The following RNASEH2B variants were observed in gnomAD, a reference collection of about 807,000 sequenced individuals.
The protein encoded by RNASEH2B is Aicardi-Goutieres syndrome 2 protein.
RNASEH2B carries 36 observed loss-of-function variants against 45.0 expected under a neutral mutation model. That is an observed-to-expected ratio of 0.80 (90% CI 0.61 to 1.06). The LOEUF (loss-of-function observed/expected upper bound fraction) is 1.06, where lower values mean the gene tolerates loss of function less well. Ranked by LOEUF, RNASEH2B falls within the 50% of genes least tolerant of loss-of-function variation. RNASEH2B has a pLI of 0.00. For missense variants in RNASEH2B, 361 were observed against 360.3 expected, an observed-to-expected ratio of 1.00 and a Z score of -0.02; for synonymous variants, 119 against 125.7, an observed-to-expected ratio of 0.95 and a Z score of 0.35.
chr13:50,970,394 A>G (rs768156129), exon 10 of RNASEH2B: 22 of 345,772 alleles, frequency 6.4e-5, no homozygotes, highest in Non-Finnish European at 1.1e-4. Context: ...CTTCTAATTC[A>G]TAAATATACC....
At chr13:50,942,503 A>T (rs1317099184) in intron 5 of RNASEH2B, 1 of 152,180 alleles carries the variant, frequency 6.6e-6, no homozygotes, top group Non-Finnish European at 1.5e-5. Context: ...AACTTCATAG[A>T]TACCTGCATT....
At chr13:50,939,431 G>A (rs1951807569) in intron 5 of RNASEH2B, among the ~76,000 whole-genome samples, 1 of 152,124 alleles carries the variant, frequency 6.6e-6, no homozygotes, top group Non-Finnish European at 1.5e-5. Context: ...GAGGAGGAAA[G>A]ATCACTTGAG....
At position 50,930,967 on chromosome 13, in the gene RNASEH2B, C is replaced by G. The variant is rs1353758246; in HGVS notation, c.321+208C>G. Reference sequence around the variant, plus strand: ...AGCAGCACCTTACTCTTGATCCAGTCTGACCCTGGCTTGCTTGTGACCTCT... The same window carrying G: ...AGCAGCACCTTACTCTTGATCCAGTGTGACCCTGGCTTGCTTGTGACCTCT... On this transcript the variant is annotated intron_variant, in intron 4 of 10. Transcript: ENST00000336617. 23 of 570,392 alleles carry G rather than the reference C, an allele frequency of 4.0e-5. No homozygotes were observed. The South Asian group carries it at 4.5e-4, about 11-fold the overall frequency. 35.3% of individuals were successfully genotyped at this position (570,392 alleles called of 1,614,324 possible).
Position 50,948,014 on chromosome 13 carries a change from T to C in RNASEH2B, c.644T>C (p.Leu215Pro). ...GATTATATTCGTTATGCCCATGGTCTGATATCTGACTACATCCCTAAAGAA... is the reference window on the plus strand; with the variant it reads ...GATTATATTCGTTATGCCCATGGTCCGATATCTGACTACATCCCTAAAGAA... Reference protein sequence around the residue: ...EEDYIRYAHGLISDYIPKELS... With the variant: ...EEDYIRYAHGPISDYIPKELS... Residue 215 changes from leucine to proline, a missense_variant, in exon 8 of 11, where the codon CTG (leucine) becomes CCG (proline). By Grantham distance (98) the Leu-to-Pro change is moderately conservative. Coordinates refer to ENST00000336617, the MANE Select transcript of RNASEH2B (RefSeq NM_024570.4). The C allele has an allele frequency of 1.2e-6, 2 of 1,611,418 alleles. No individual in the cohort carries two copies. The highest frequency in any genetic ancestry group is 8.5e-7 in the Non-Finnish European group (1 of 1,179,264).
At position 50,929,567 on chromosome 13, in the gene RNASEH2B, C is replaced by A; in HGVS notation, c.229C>A (p.Gln77Lys). The A allele has an allele frequency of 6.3e-7, 1 of 1,591,874 alleles. No individual in the cohort carries two copies. The highest frequency in any genetic ancestry group is 1.1e-5 in the South Asian group (1 of 90,604). Reference protein sequence around the residue: ...KEKHHSWFINQSVQSGGLLHF... With the variant: ...KEKHHSWFINKSVQSGGLLHF... ...AAAACACCATTCTTGGTTTATAAATCAATCAGTTCAATCAGGTAGGTGACT... is the reference window on the plus strand; with the variant it reads ...AAAACACCATTCTTGGTTTATAAATAAATCAGTTCAATCAGGTAGGTGACT... Residue 77 changes from glutamine to lysine, a missense_variant, in exon 3 of 11, where the codon CAA becomes AAA. By Grantham distance (53) the Gln-to-Lys change is moderately conservative. Transcript: ENST00000336617.
At position 50,930,689 on chromosome 13, in the gene RNASEH2B, T is replaced by G. The variant is rs747061909; in HGVS notation, c.251T>G (p.Leu84Arg). The G allele has an allele frequency of 3.1e-6, 5 of 1,611,980 alleles. No homozygotes were observed. The highest frequency in any genetic ancestry group is 1.1e-5 in the South Asian group (1 of 91,068). ...TCCTTTTTGTAATCTGCAGGAGGTC[T>G]TCTCCATTTTGCCACACCTGTGGAT... ...FINQSVQSGG[L>R]LHFATPVDPL... Residue 84 changes from leucine to arginine, a missense_variant, in exon 4 of 11, where the codon CTT becomes CGT. Leu to Arg is a moderately radical substitution (Grantham distance 102). Transcript: ENST00000336617.
chr13:50,958,825 T>C (rs1328052908), downstream of RNASEH2B, among the ~76,000 whole-genome samples: 1 of 152,196 alleles, frequency 6.6e-6, no homozygotes, highest in African/African-American at 2.4e-5. Context: ...AGATTATAAG[T>C]AAATATTTGT....
At chr13:50,936,848 T>A (rs1314710144) in intron 5 of RNASEH2B, 3 of 152,216 alleles carry the variant, frequency 2.0e-5, no homozygotes, top group Non-Finnish European at 2.9e-5. Context: ...CTCTGTGTCA[T>A]CCCTTCCCTC....
At chr13:50,926,489 A>G (rs1951598038) in intron 1 of RNASEH2B, among the ~76,000 whole-genome samples, 2 of 152,176 alleles carry the variant, frequency 1.3e-5, no homozygotes, top group Admixed American at 6.5e-5. Context: ...TAAAATTGTC[A>G]TGGTCTTTAT....
At chr13:50,939,209 T>G (rs1421424537) in intron 5 of RNASEH2B, 2 of 152,104 alleles carry the variant, frequency 1.3e-5, no homozygotes, top group East Asian at 3.9e-4. Context: ...CAAAGAACAT[T>G]AGCCAGGTGT....
chr13:50,960,773 G>C (rs560585257), downstream of RNASEH2B, among the ~76,000 whole-genome samples: 26 of 152,264 alleles, frequency 1.7e-4, no homozygotes, highest in African/African-American at 6.3e-4. Context: ...CTGCTGTTAG[G>C]CTTTAGCGTT....
chr13:50,956,772 A>T, downstream of RNASEH2B: 1 of 1,088,308 alleles, frequency 9.2e-7, no homozygotes, highest in Non-Finnish European at 1.1e-6. Flanking sequence ...GTTAGAGTGT[A>T]TGACTGCTTT....
At chr13:50,916,991 AC>A (rs1194925024) in intron 1 of RNASEH2B, among the ~76,000 whole-genome samples, 3 of 152,016 alleles carry the variant, frequency 2.0e-5, no homozygotes, top group African/African-American at 7.3e-5. Context: ...TTAGTGAAAA[AC>A]TGGTTTCACG....
At position 50,910,129 on chromosome 13, in the gene RNASEH2B, T is replaced by C; in HGVS notation, c.53T>C (p.Phe18Ser). Residue 18 changes from phenylalanine to serine, a missense_variant, in exon 1 of 11, where the codon TTC (phenylalanine) becomes TCC (serine). Transcript: ENST00000336617. Reference sequence around the variant, plus strand: ...GGGGTTGGCGCCCGGCAGCACGTGTTCCTGGTTTCAGGTAAACACGCGCGC... The same window carrying C: ...GGGGTTGGCGCCCGGCAGCACGTGTCCCTGGTTTCAGGTAAACACGCGCGC... ...GDGVGARQHV[F>S]LVSEYLKDAS... The C allele has an allele frequency of 6.9e-7, 1 of 1,456,480 alleles. No homozygotes were observed. The highest frequency in any genetic ancestry group is 9.0e-7 in the Non-Finnish European group (1 of 1,105,320). 90.2% of individuals were successfully genotyped at this position (1,456,480 alleles called of 1,614,324 possible). A position where few individuals can be genotyped will look rare whatever the true frequency, so the allele number is the denominator to read the frequency against.
chr13:50,953,686 C>G, intron 9 of RNASEH2B: 1 of 587,812 alleles, frequency 1.7e-6, no homozygotes. Flanking sequence ...CCAATCATAT[C>G]CACCATCACC....
chr13:50,935,082 G>A (rs1428608363), intron 5 of RNASEH2B, 83 bp downstream of exon 5: 1 of 841,510 alleles, frequency 1.2e-6, no homozygotes, highest in East Asian at 2.6e-5. Flanking sequence ...CACACTGAAT[G>A]TAAGGCTTAT....
intron 3 of RNASEH2B, chr13:50,930,008 CCT>C: frequency 3.9e-6 from 1 of 258,384 alleles, no homozygotes; most frequent in South Asian, 4.7e-5. Context: ...TTGTCATATA[CCT>C]GCCTGCCCAC....
intron 7 of RNASEH2B, among the ~76,000 whole-genome samples, chr13:50,946,691 T>C (rs1951904609): frequency 6.6e-6 from 1 of 152,220 alleles, no homozygotes; most frequent in South Asian, 2.1e-4. Context: ...CCTCAAGATC[T>C]TCTGTTCTAA....
chr13:50,920,502 TG>T (rs1225639378), intron 1 of RNASEH2B, among the ~76,000 whole-genome samples: 2 of 152,218 alleles, frequency 1.3e-5, no homozygotes, highest in Non-Finnish European at 2.9e-5. Flanking sequence ...TTGAGATAAT[TG>T]GGAAGTTTAA....
Sources: allele counts gnomAD v4.1 joint callset (sites outside exome capture counted in the v4.1 genomes callset), GRCh38; gene constraint gnomAD v4.1.1; transcripts MANE v1.5; gene names NCBI Gene and HGNC (gene_info 2026-07-23, HGNC 2026-07-21).